Variants in MACROD2 observed in about 807,000 individuals in gnomAD.
MACROD2 encodes the protein ADP-ribose glycohydrolase MACROD2.
In MACROD2, 36 loss-of-function variants were observed where a neutral mutation model predicts 70.4. The observed-to-expected ratio is 0.51, with a 90% CI of 0.39 to 0.68. The LOEUF is 0.68. MACROD2 is among the 30% of genes least tolerant of loss of function. The probability of loss-of-function intolerance (pLI) is 0.00; values close to 1 mark genes in which losing one functional copy is unlikely to be tolerated. For missense variants in MACROD2, 496 were observed against 538.4 expected (o/e 0.92, Z 0.78); for synonymous variants, 172 against 178.8 (o/e 0.96, Z 0.30).
At chr20:14,599,401 G>A (rs1375245717) in intron 4 of MACROD2, among the ~76,000 whole-genome samples, 2 of 152,126 alleles carry the variant, frequency 1.3e-5, no homozygotes, top group East Asian at 3.9e-4. Context: ...AGGATGGGTA[G>A]AATTCTGAAA....
rs552911072 is a variant in MACROD2 at position 15,084,159 on chromosome 20, G to A, written c.419-145781G>A. On this transcript the variant is annotated intron_variant, in intron 5 of 17. Transcript: ENST00000684519. ...GGACTCACTGCAACCTCTGCCTCCC[G>A]GGTTCAAGTGATTCTCCTGCCTCAG... 6.1e-4 allele frequency among the ~76,000 whole-genome samples: 92 copies of A among 150,520 alleles called. 1 individual carries two copies. Among genetic ancestry groups the A allele is most frequent in the South Asian group, 1.3e-3 (6 of 4,774 alleles).
At position 15,313,756 on chromosome 20, in the gene MACROD2, A is replaced by G. The variant is rs951909968; in HGVS notation, c.540+83695A>G. ...GATGGGGAGGCTTTGAAAGAGATAA[A>G]TGAATGTCTATGTGTATGTTGGATA... On this transcript the variant is annotated intron_variant, in intron 6 of 17. Coordinates refer to ENST00000684519, the MANE Select transcript of MACROD2 (RefSeq NM_001351661.2). Among the ~76,000 whole-genome samples, 20 of 152,162 alleles carry G rather than the reference A, an allele frequency of 1.3e-4. 1 individual carries two copies. Among genetic ancestry groups the G allele is most frequent in the Non-Finnish European group, 1.5e-5 (1 of 68,034 alleles).
intron 5 of MACROD2, among the ~76,000 whole-genome samples, chr20:14,755,938 G>C (rs1000701884): frequency 1.3e-5 from 2 of 152,010 alleles, no homozygotes; most frequent in African/African-American, 4.8e-5. Context: ...TTTCAAAACT[G>C]ATCTCTTAAG....
At chr20:15,164,862 C>G (rs2076372788) in intron 5 of MACROD2, among the ~76,000 whole-genome samples, 1 of 152,070 alleles carries the variant, frequency 6.6e-6, no homozygotes. Context: ...GGTCAGGCCA[C>G]TACACTCCAG....
chr20:15,891,456 A>G (rs1307113620), intron 10 of MACROD2, among the ~76,000 whole-genome samples: 1 of 152,196 alleles, frequency 6.6e-6, no homozygotes, highest in Admixed American at 6.6e-5. Flanking sequence ...TTTATGTTTC[A>G]AAAGCTCACA....
intron 4 of MACROD2, among the ~76,000 whole-genome samples, chr20:14,630,930 C>G (rs528038455): frequency 2.0e-5 from 3 of 152,096 alleles, no homozygotes; most frequent in African/African-American, 7.2e-5. Context: ...TGCCACTCAA[C>G]AAGAACATAA....
intron 2 of MACROD2, among the ~76,000 whole-genome samples, chr20:14,012,109 G>A (rs766652177): frequency 3.9e-5 from 6 of 152,074 alleles, no homozygotes; most frequent in Admixed American, 6.5e-5. Context: ...GTTTCGCCAC[G>A]TTGGCCAGGC....
At chr20:14,771,670 CATATAT>C (rs371522214) in intron 5 of MACROD2, among the ~76,000 whole-genome samples, 1,742 of 133,546 alleles carry the variant, frequency 0.013, 30 homozygotes, top group African/African-American at 0.042. Context: ...CACACACACA[CATATAT>C]ATATATATTT....
rs554836509 is a variant in MACROD2 at position 14,052,299 on chromosome 20, A to T, written c.164-33322A>T. ...GCAGACTCATTTACATGATAATATG[A>T]TTCATCAGGAACATTTAGGTACACA... On this transcript the variant is annotated intron_variant, in intron 2 of 17. Transcript: ENST00000684519. Among the ~76,000 whole-genome samples the T allele has an allele frequency of 6.6e-5, 10 of 152,274 alleles. No homozygotes were observed. The South Asian group carries it at 2.1e-3, about 32-fold the overall frequency.
chr20:15,900,268 T>TC (rs1295214315), intron 10 of MACROD2, among the ~76,000 whole-genome samples: 2 of 152,210 alleles, frequency 1.3e-5, no homozygotes, highest in African/African-American at 4.8e-5. Context: ...AAAGCAGCTT[T>TC]CCCCTGAAGA....
At chr20:14,227,837 A>G (rs2081756773) in intron 3 of MACROD2, among the ~76,000 whole-genome samples, 2 of 152,196 alleles carry the variant, frequency 1.3e-5, no homozygotes, top group African/African-American at 2.4e-5. Flanking sequence ...CTTAAAGCAA[A>G]CATAAAATAC....
At chr20:14,399,856 T>G (rs1473116275) in intron 3 of MACROD2, among the ~76,000 whole-genome samples, 1 of 152,194 alleles carries the variant, frequency 6.6e-6, no homozygotes, top group East Asian at 1.9e-4. Context: ...AATTTGTTTT[T>G]AGTTCCACCT....
At chr20:14,789,465 T>TTC (rs2072421417) in intron 5 of MACROD2, among the ~76,000 whole-genome samples, 1 of 105,882 alleles carries the variant, frequency 9.4e-6, no homozygotes, top group Admixed American at 9.4e-5. Context: ...TGCAAATTTT[T>TTC]TTTTTTTTTT....
chr20:15,255,815 T>A, intron 6 of MACROD2, among the ~76,000 whole-genome samples: 1 of 152,114 alleles, frequency 6.6e-6, no homozygotes, highest in East Asian at 1.9e-4. Flanking sequence ...GAAAGCATAT[T>A]GATTTGGTCT....
intron 8 of MACROD2, among the ~76,000 whole-genome samples, chr20:15,540,562 A>G (rs2047941640): frequency 6.6e-6 from 1 of 152,218 alleles, no homozygotes; most frequent in Non-Finnish European, 1.5e-5. Context: ...GGGATGAAGG[A>G]TAAGGGAAAA....
intron 15 of MACROD2, among the ~76,000 whole-genome samples, chr20:16,012,578 A>G (rs910161113): frequency 2.6e-5 from 4 of 152,218 alleles, no homozygotes; most frequent in African/African-American, 9.6e-5. Context: ...AATGACTACA[A>G]TGGTAATCTG....
intron 6 of MACROD2, among the ~76,000 whole-genome samples, chr20:15,233,848 A>G (rs879790677): frequency 2.0e-5 from 3 of 149,908 alleles, no homozygotes; most frequent in Non-Finnish European, 4.4e-5. Flanking sequence ...CCAATCTTTC[A>G]TGCCTCCTAG....
At chr20:15,780,994 A>G (rs1195559306) in intron 8 of MACROD2, among the ~76,000 whole-genome samples, 1 of 152,070 alleles carries the variant, frequency 6.6e-6, no homozygotes, top group Admixed American at 6.5e-5. Flanking sequence ...TTTCCTTACC[A>G]TGTTTCTCTA....
In MACROD2 at chr20:16,052,404, C is replaced by T. The variant is rs984184516; in HGVS notation, c.*2528C>T. On this transcript the variant is annotated 3_prime_UTR_variant, in exon 18 of 18. Transcript: ENST00000684519. ...CACATAAATTCTGGATGTCAATTTC[C>T]AACCAAACTCCAATACAGCTATGTG... The T allele has an allele frequency of 6.6e-6, 1 of 152,166 alleles. No individual in the cohort carries two copies. The highest frequency in any genetic ancestry group is 2.1e-4 in the South Asian group (1 of 4,826). 9.4% of individuals were successfully genotyped at this position (152,166 alleles called of 1,614,324 possible).
Sources: gnomAD v4.1 joint callset for allele counts (sites outside exome capture counted in the v4.1 genomes callset) on GRCh38, gnomAD v4.1.1 for gene constraint, MANE v1.5 for transcripts, NCBI Gene and HGNC (gene_info 2026-07-23, HGNC 2026-07-21) for gene names.